EPAS1: variants seen among roughly 807,000 people sequenced by gnomAD.
EPAS1 encodes the protein endothelial PAS domain-containing protein 1.
In EPAS1, 23 loss-of-function variants were observed where a neutral mutation model predicts 87.9. The observed-to-expected ratio is 0.26, with a 90% CI of 0.19 to 0.37. The LOEUF is 0.37. Ranked by LOEUF, EPAS1 falls within the 10% of genes least tolerant of loss-of-function variation. The probability of loss-of-function intolerance (pLI) is 1.00; values close to 1 mark genes in which losing one functional copy is unlikely to be tolerated. For missense variants in EPAS1, 1,138 were observed against 1,120.7 expected (o/e 1.02, Z -0.22); for synonymous variants, 508 against 444.3 (o/e 1.14, Z -1.80).
rs1215157518 is a variant in EPAS1, at chr2:46,300,442, C to T, written c.26+2505C>T. ...ATGATTTTGTCCCAGAATGTTCACACGTCGATAAATATGTTAATGTTTAAT... is the reference window on the plus strand; with the variant it reads ...ATGATTTTGTCCCAGAATGTTCACATGTCGATAAATATGTTAATGTTTAAT... On this transcript the variant is annotated intron_variant, in intron 1 of 15. Transcript: ENST00000263734. This position sits in a 1 kb window ranked among gnomAD's most constrained non-coding sequence, Gnocchi z 4.1. Among the ~76,000 whole-genome samples, 4 of 152,270 alleles carry T rather than the reference C, an allele frequency of 2.6e-5. No homozygotes were observed. Among genetic ancestry groups the T allele is most frequent in the African/African-American group, 7.2e-5 (3 of 41,552 alleles).
chr2:46,344,212 A>C (rs981360135), intron 1 of EPAS1, among the ~76,000 whole-genome samples: 2 of 152,216 alleles, frequency 1.3e-5, no homozygotes, highest in Non-Finnish European at 2.9e-5. Flanking sequence ...CAAGACTCAT[A>C]TATCAGATGC....
intron 1 of EPAS1, among the ~76,000 whole-genome samples, chr2:46,298,897 C>T (rs1682939887): frequency 6.6e-6 from 1 of 152,224 alleles, no homozygotes; most frequent in Admixed American, 6.5e-5. Flanking sequence ...CGCCTGTCCC[C>T]TTTCTCCTCC....
chr2:46,378,821 CAA>C, intron 11 of EPAS1, 54 bp downstream of exon 11: 2 of 1,434,146 alleles, frequency 1.4e-6, no homozygotes, highest in Non-Finnish European at 2.0e-6. Flanking sequence ...TGGTGGACAG[CAA>C]AGGCTCACAT....
intron 7 of EPAS1, among the ~76,000 whole-genome samples, chr2:46,370,281 A>G (rs1340526741): frequency 6.6e-6 from 1 of 152,226 alleles, no homozygotes; most frequent in African/African-American, 2.4e-5. Flanking sequence ...ACAGCACTGT[A>G]GAGAGTAAAA....
intron 1 of EPAS1, 82 bp downstream of exon 1, chr2:46,298,019 TG>T: frequency 6.4e-7 from 1 of 1,552,448 alleles, no homozygotes; most frequent in Middle Eastern, 2.0e-4. Context: ...CGAGAGTGGT[TG>T]GGAGAAGAGT....
chr2:46,303,569 A>C (rs570286317), intron 1 of EPAS1, among the ~76,000 whole-genome samples: 1 of 152,220 alleles, frequency 6.6e-6, no homozygotes, highest in African/African-American at 2.4e-5. Flanking sequence ...CAGTGGAGAC[A>C]GCTATGACTC....
rs1349945968 is a variant in EPAS1 at position 46,347,706 on chromosome 2, C to A, written c.217+643C>A. Among the ~76,000 whole-genome samples, 1 of 152,210 alleles carries A rather than the reference C, an allele frequency of 6.6e-6. No homozygotes were observed. The highest frequency in any genetic ancestry group is 1.5e-5 in the Non-Finnish European group (1 of 68,022). On this transcript the variant is annotated intron_variant, in intron 2 of 15. Transcript: ENST00000263734. The surrounding 1 kb of genome is among the most constrained non-coding windows in gnomAD (Gnocchi z 4.2). The stretch of plus-strand genomic sequence containing the variant: ...CGGAAAATAACTGGTTCTCCCCTCC[C>A]TAGCACCTCTGCAACTCCAAAGTTC...
At chr2:46,316,754 A>C (rs1683348934) in intron 1 of EPAS1, among the ~76,000 whole-genome samples, 1 of 150,478 alleles carries the variant, frequency 6.6e-6, no homozygotes, top group South Asian at 2.1e-4. Flanking sequence ...TCAGACAAGA[A>C]TGAAGTTTTT....
At chr2:46,337,517 T>C (rs576501723) in intron 1 of EPAS1, among the ~76,000 whole-genome samples, 55 of 152,316 alleles carry the variant, frequency 3.6e-4, no homozygotes, top group African/African-American at 1.3e-3. Flanking sequence ...TGCCGAGGAA[T>C]CCGTTTTACA....
chr2:46,350,751 C>T (rs1169162737), intron 2 of EPAS1, among the ~76,000 whole-genome samples: 1 of 152,230 alleles, frequency 6.6e-6, no homozygotes, highest in Non-Finnish European at 1.5e-5. Context: ...CTTGCCCAAA[C>T]TCATACATGG....
intron 1 of EPAS1, among the ~76,000 whole-genome samples, chr2:46,330,203 C>G (rs936384919): frequency 6.6e-6 from 1 of 152,202 alleles, no homozygotes; most frequent in African/African-American, 2.4e-5. Context: ...GCCCCTGACC[C>G]CCGTGATGGC....
At chr2:46,329,053 A>G (rs1194509081) in intron 1 of EPAS1, among the ~76,000 whole-genome samples, 1 of 152,258 alleles carries the variant, frequency 6.6e-6, no homozygotes, top group Non-Finnish European at 1.5e-5. Flanking sequence ...TTGGCCAAGG[A>G]TTATGCAGCA....
At chr2:46,338,461 G>C (rs754529559) in intron 1 of EPAS1, among the ~76,000 whole-genome samples, 2 of 152,164 alleles carry the variant, frequency 1.3e-5, no homozygotes, top group Non-Finnish European at 2.9e-5. Flanking sequence ...GGAGAGCCAC[G>C]CAAATGCCTC....
chr2:46,348,226 C>A (rs900455734), intron 2 of EPAS1, among the ~76,000 whole-genome samples: 1 of 152,146 alleles, frequency 6.6e-6, no homozygotes, highest in Non-Finnish European at 1.5e-5. Flanking sequence ...AATGTGCAGA[C>A]AAGAGCAGGA....
At chr2:46,381,539 C>T (rs2103675578) in intron 12 of EPAS1, 57 bp from the exon 13 acceptor site, 15 of 1,613,208 alleles carry the variant, frequency 9.3e-6, no homozygotes, top group Non-Finnish European at 1.3e-5. Flanking sequence ...GATGAGAAGG[C>T]ACTGAGTGGC....
intron 2 of EPAS1, among the ~76,000 whole-genome samples, chr2:46,348,007 GC>G (rs1439037610): frequency 6.6e-6 from 1 of 152,146 alleles, no homozygotes; most frequent in East Asian, 1.9e-4. Flanking sequence ...TCCGGAGTAA[GC>G]CTGGTGCCTT....
At chr2:46,341,219 T>C (rs35416129) in intron 1 of EPAS1, among the ~76,000 whole-genome samples, 1,942 of 152,324 alleles carry the variant, frequency 0.013, 20 homozygotes, top group Non-Finnish European at 0.02. Flanking sequence ...CCTTCAATTG[T>C]GGCAAAGTCT....
chr2:46,309,107 A>G (rs1200988890), intron 1 of EPAS1, among the ~76,000 whole-genome samples: 1 of 152,224 alleles, frequency 6.6e-6, no homozygotes, highest in Non-Finnish European at 1.5e-5. Context: ...AGACTGAGTA[A>G]TTCTGTCTAT....
intron 1 of EPAS1, among the ~76,000 whole-genome samples, chr2:46,322,080 T>C (rs1683465142): frequency 6.6e-6 from 1 of 152,170 alleles, no homozygotes; most frequent in Admixed American, 6.5e-5. Flanking sequence ...TAATTATTGT[T>C]GTCATCTACT....
Sources: gnomAD v4.1 joint callset for allele counts (sites outside exome capture counted in the v4.1 genomes callset) on GRCh38, gnomAD v4.1.1 for gene constraint, Gnocchi (gnomAD v3.1) non-coding constraint, MANE v1.5 for transcripts, NCBI Gene and HGNC (gene_info 2026-07-23, HGNC 2026-07-21) for gene names.